Variants in TUBGCP5 observed in about 807,000 individuals in gnomAD.
The protein encoded by TUBGCP5 is tubulin gamma complex component 5.
In TUBGCP5, 98 loss-of-function variants were observed where a neutral mutation model predicts 134.7. The observed-to-expected ratio is 0.73, with a 90% confidence interval of 0.62 to 0.86. The LOEUF (loss-of-function observed/expected upper bound fraction) is 0.86, where lower values mean the gene tolerates loss of function less well. Among genes scored for constraint, TUBGCP5 ranks in the 40% least tolerant of loss-of-function variants. The pLI is 0.00. For missense variants in TUBGCP5, 1,150 were observed against 1,244.8 expected, an observed-to-expected ratio of 0.92 and a Z score of 1.15; for synonymous variants, 456 against 431.4, an observed-to-expected ratio of 1.06 and a Z score of -0.71.
chr15:22,993,525 G>GTTTTTTTTTTTTTTTTTTTTT lies in TUBGCP5; in HGVS notation c.*61+3299_*61+3319dup, dbSNP rs71414252. Among the ~76,000 whole-genome samples, 10 of 69,272 alleles carry GTTTTTTTTTTTTTTTTTTTTT rather than the reference G, an allele frequency of 1.4e-4. 1 individual carries two copies. The highest frequency in any genetic ancestry group is 5.4e-4 in the African/African-American group (9 of 16,740). 45.4% of individuals were successfully genotyped at this position (69,272 alleles called of 152,430 possible). ...TAATCCTCCCACCTCAGCCCCCGAAGTTTTTTTTTTTTTTTTTTTTTTTTT... is the reference window on the plus strand; with the variant it reads ...TAATCCTCCCACCTCAGCCCCCGAAGTTTTTTTTTTTTTTTTTTTTTTTTTTTTTTTTTTTTTTTTTTTTTT... On this transcript the variant is annotated intron_variant and NMD_transcript_variant, in intron 23 of 23. Coordinates refer to the TUBGCP5 transcript ENST00000614508.
At chr15:23,038,649 GAAATT>G (rs1325461346) in intron 1 of TUBGCP5, among the ~76,000 whole-genome samples, 1 of 152,104 alleles carries the variant, frequency 6.6e-6, no homozygotes, top group Non-Finnish European at 1.5e-5. Context: ...GATTTTTACT[GAAATT>G]AAACAGGTAG....
intron 13 of TUBGCP5, among the ~76,000 whole-genome samples, chr15:23,012,959 G>A (rs959561941): frequency 5.3e-5 from 8 of 152,002 alleles, no homozygotes; most frequent in African/African-American, 1.4e-4. Flanking sequence ...AAAATTAGCC[G>A]GGCGTAGTGG....
Position 23,004,139 on chromosome 15 carries a change from A to G in TUBGCP5, c.2801T>C (p.Leu934Pro). The change falls in exon 20 of 23, where the codon CTG becomes CCG. Residue 934 changes from leucine (L) to proline (P), a missense_variant. By Grantham distance (98) the Leu-to-Pro change is moderately conservative. Transcript: ENST00000615383. ...DQLIKIHYRY[L>P]STIHDRCLLR... The stretch of plus-strand genomic sequence containing the variant: ...CAGACACCGGTCATGGATGGTTGAC[A>G]GATACCTATAGTGAATTTTAATCAA... 1 of 1,613,016 alleles carries G rather than the reference A, an allele frequency of 6.2e-7. No individual in the cohort carries two copies.
intron 10 of TUBGCP5, 85 bp from the exon 11 acceptor site, chr15:23,022,246 CT>C: frequency 6.9e-7 from 1 of 1,442,240 alleles, no homozygotes; most frequent in Non-Finnish European, 9.7e-7. Context: ...AATCATCAGG[CT>C]TATGGACAGG....
At chr15:23,038,177 C>CA (rs1333633347) in intron 1 of TUBGCP5, among the ~76,000 whole-genome samples, 6 of 152,128 alleles carry the variant, frequency 3.9e-5, no homozygotes, top group African/African-American at 1.4e-4. Flanking sequence ...ATAGCCTATG[C>CA]AAAAAATGTT....
chr15:22,985,540 C>T (rs914409895), intron 23 of TUBGCP5, among the ~76,000 whole-genome samples: 3 of 151,954 alleles, frequency 2.0e-5, no homozygotes, highest in African/African-American at 7.2e-5. Context: ...TTCTTACCAG[C>T]TTATTTATAA....
chr15:23,016,421 G>A (rs1267956871), intron 13 of TUBGCP5, among the ~76,000 whole-genome samples: 1 of 151,580 alleles, frequency 6.6e-6, no homozygotes, highest in African/African-American at 2.4e-5. Context: ...TTGAGCCAGG[G>A]AGGCAGAGCT....
Position 23,018,136 on chromosome 15 carries a change from T to C in TUBGCP5, c.1488-95A>G, listed in dbSNP as rs2065449407. 1.6e-5 allele frequency: 21 copies of C among 1,274,664 alleles called. No individual in the cohort carries two copies. The South Asian group carries it at 2.2e-4, about 14-fold the overall frequency. The allele number at this position is 1,274,664 out of a possible 1,614,324, so 79.0% of individuals were successfully genotyped here. On this transcript the variant is annotated intron_variant, in intron 12 of 22. Coordinates refer to ENST00000615383, the MANE Select transcript of TUBGCP5 (RefSeq NM_052903.6). ...GTTGTCCAGACATTATAAAACATAGTATTAATTATTAGTAAACTGAAGCAA... is the reference window on the plus strand; with the variant it reads ...GTTGTCCAGACATTATAAAACATAGCATTAATTATTAGTAAACTGAAGCAA...
At chr15:22,986,147 A>AAAAAT (rs1555430356) in intron 23 of TUBGCP5, among the ~76,000 whole-genome samples, 3 of 132,824 alleles carry the variant, frequency 2.3e-5, no homozygotes, top group Non-Finnish European at 4.8e-5. Context: ...AAAAAAAAAA[A>AAAAAT]AATAATAATA....
At chr15:23,015,697 C>T (rs1448321424) in intron 13 of TUBGCP5, among the ~76,000 whole-genome samples, 2 of 152,294 alleles carry the variant, frequency 1.3e-5, no homozygotes, top group East Asian at 3.9e-4. Flanking sequence ...AACTGTGCCA[C>T]TGTTGCCACA....
In TUBGCP5 at chr15:23,038,862, G is replaced by A. The variant is rs1236756087; in HGVS notation, c.146+536C>T. Among the ~76,000 whole-genome samples, 3 of 152,088 alleles carry A rather than the reference G, an allele frequency of 2.0e-5. No individual in the cohort carries two copies. The East Asian group carries it at 5.8e-4, about 29-fold the overall frequency. ...AGGTGACTCAGCGTGCTACGTGCCA[G>A]GAGCTGTGCAGAGATGCAGCATTCT... On this transcript the variant is annotated intron_variant, in intron 1 of 22. Coordinates refer to ENST00000615383, the MANE Select transcript of TUBGCP5 (RefSeq NM_052903.6).
At position 23,024,023 on chromosome 15, in the gene TUBGCP5, G is replaced by A; in HGVS notation, c.1092C>T (p.Phe364=). The change falls in exon 10 of 23, where the codon TTC becomes TTT. Residue 364 remains phenylalanine (F), a synonymous_variant. Transcript: ENST00000615383. ...TEAPFRTYQA[F]MWALYKYFIS... is the part of the protein sequence containing the mutation. ...TGAAATATTTGTACAGGGCCCACATGAAAGCCTGGTAGGTTCTAAAGGGAG... is the reference window on the plus strand; with the variant it reads ...TGAAATATTTGTACAGGGCCCACATAAAAGCCTGGTAGGTTCTAAAGGGAG... The A allele has an allele frequency of 1.2e-6, 2 of 1,614,124 alleles. No individual in the cohort carries two copies. The highest frequency in any genetic ancestry group is 1.7e-6 in the Non-Finnish European group (2 of 1,180,004).
intron 6 of TUBGCP5, among the ~76,000 whole-genome samples, chr15:23,028,806 A>G (rs761665742): frequency 6.6e-6 from 1 of 152,098 alleles, no homozygotes; most frequent in Non-Finnish European, 1.5e-5. Context: ...TGGGCCAGAA[A>G]AGAGATTTGA....
intron 18 of TUBGCP5, chr15:23,005,814 C>T (rs979462930): frequency 4.9e-5 from 33 of 669,896 alleles, no homozygotes; most frequent in Non-Finnish European, 7.4e-5. Flanking sequence ...CAAGTTGTTG[C>T]ATTTCAGATC....
intron 13 of TUBGCP5, among the ~76,000 whole-genome samples, chr15:23,012,130 A>AT (rs2065072644): frequency 6.6e-6 from 1 of 151,760 alleles, no homozygotes; most frequent in South Asian, 2.1e-4. Context: ...AAAAAAAAAA[A>AT]AAAAGAGTAA....
Position 23,010,080 on chromosome 15 carries a change from C to A in TUBGCP5, c.2009G>T (p.Cys670Phe), listed in dbSNP as rs1287274687. 3.7e-6 allele frequency: 6 copies of A among 1,614,022 alleles called. No homozygotes were observed. The highest frequency in any genetic ancestry group is 1.7e-5 in the Admixed American group (1 of 59,990). Reference protein sequence around the residue: ...FHEKFAGGDVCVDRSSESVTC... With the variant: ...FHEKFAGGDVFVDRSSESVTC... ...CACAGATTCCGATGATCTATCCACACATACATCACCACCAGCAAACTTCTC... is the reference window on the plus strand; with the variant it reads ...CACAGATTCCGATGATCTATCCACAAATACATCACCACCAGCAAACTTCTC... The change falls in exon 15 of 23, where the codon TGT becomes TTT. Residue 670 changes from cysteine (C) to phenylalanine (F), a missense_variant. Around this residue, in one of 2 missense-constraint regions of TUBGCP5, gnomAD observed 697 missense variants for 850.1 expected, o/e 0.82. Coordinates refer to ENST00000615383, the MANE Select transcript of TUBGCP5 (RefSeq NM_052903.6).
chr15:23,004,413 G>A, intron 19 of TUBGCP5, 186 bp from the exon 20 acceptor site: 1 of 654,276 alleles, frequency 1.5e-6, no homozygotes, highest in Non-Finnish European at 2.4e-6. Flanking sequence ...CTGATCCTAA[G>A]AGGACGGCGG....
chr15:22,988,328 A>T (rs2063741046), intron 23 of TUBGCP5, among the ~76,000 whole-genome samples: 1 of 151,992 alleles, frequency 6.6e-6, no homozygotes, highest in South Asian at 2.1e-4. Flanking sequence ...GCCACAAGTC[A>T]TAGAATGCTG....
At chr15:23,029,812 T>TG (rs1173510137) in intron 6 of TUBGCP5, among the ~76,000 whole-genome samples, 1 of 150,758 alleles carries the variant, frequency 6.6e-6, no homozygotes. Context: ...ACCTGGGAGA[T>TG]GGAGTTTGCA....
Sources: allele counts gnomAD v4.1 joint callset (sites outside exome capture counted in the v4.1 genomes callset), GRCh38; gene constraint gnomAD v4.1.1; regional missense constraint gnomAD v4.1.1; transcripts MANE v1.5; gene names NCBI Gene and HGNC (gene_info 2026-07-23, HGNC 2026-07-21).